Variants in SUZ12 observed in about 807,000 individuals in gnomAD.
SUZ12 encodes polycomb protein SUZ12.
A neutral mutation model predicts 87.3 loss-of-function variants in SUZ12; 17 were observed. The observed-to-expected ratio is 0.19, with a 90% CI of 0.13 to 0.29. SUZ12 has a LOEUF of 0.29. Among genes scored for constraint, SUZ12 ranks in the 10% least tolerant of loss-of-function variants. The pLI is 1.00. For synonymous variants in SUZ12, 253 were observed against 312.4 expected, an observed-to-expected ratio of 0.81 and a Z score of 2.01; for missense variants, 526 against 912.2, an observed-to-expected ratio of 0.58 and a Z score of 5.45.
At position 31,993,978 on chromosome 17, in the gene SUZ12, C is replaced by T. The variant is rs760592791; in HGVS notation, c.1407C>T (p.Leu469=). Residue 469 remains leucine (L), a synonymous_variant, in exon 12 of 16, where the codon CTC becomes CTT. Transcript: ENST00000322652. ...KLYSLLKHLK[L]CHSRFIFNYV... is the part of the protein sequence containing the mutation. Reference sequence around the variant, plus strand: ...ATAGTTTACTCAAGCATCTTAAACTCTGCCATAGCAGATTTATCTTCAACT... The same window carrying T: ...ATAGTTTACTCAAGCATCTTAAACTTTGCCATAGCAGATTTATCTTCAACT... The T allele has an allele frequency of 1.2e-6, 2 of 1,612,672 alleles. No individual in the cohort carries two copies. Among genetic ancestry groups the T allele is most frequent in the Non-Finnish European group, 1.7e-6 (2 of 1,179,678 alleles).
rs1184156921 is a variant in SUZ12 at position 32,000,295 on chromosome 17, A to T, written c.*1292A>T. The T allele has an allele frequency of 1.7e-5, 4 of 232,818 alleles. No individual in the cohort carries two copies. In the Admixed American group the frequency reaches 2.3e-4, roughly 13 times the overall value. The allele number at this position is 232,818 out of a possible 1,614,324, so 14.4% of individuals were successfully genotyped here. On this transcript the variant is annotated 3_prime_UTR_variant, in exon 16 of 16. Transcript: ENST00000322652. Reference sequence around the variant, plus strand: ...CCACCACCATCAGATGCAGTTCCCTATTTTGTTTAATGAAGGGATATATAA... The same window carrying T: ...CCACCACCATCAGATGCAGTTCCCTTTTTTGTTTAATGAAGGGATATATAA...
chr17:31,963,640 A>G (rs1200631968), intron 4 of SUZ12, among the ~76,000 whole-genome samples: 2 of 151,622 alleles, frequency 1.3e-5, no homozygotes, highest in African/African-American at 4.8e-5. Context: ...CTCCTGCCTC[A>G]GCCTCCCGAG....
intron 9 of SUZ12, among the ~76,000 whole-genome samples, chr17:31,983,319 A>G (rs1909222279): frequency 7.4e-6 from 1 of 134,892 alleles, no homozygotes; most frequent in Admixed American, 8.3e-5. Flanking sequence ...TCTGTTGCCC[A>G]GGCTGGAGTG....
chr17:31,979,681 A>G (rs1227905941), intron 8 of SUZ12, among the ~76,000 whole-genome samples: 2 of 152,206 alleles, frequency 1.3e-5, no homozygotes, highest in African/African-American at 4.8e-5. Flanking sequence ...ACAAAAGGTA[A>G]TATTAGGTTT....
chr17:31,988,549 T>G (rs2142204460), intron 10 of SUZ12, 52 bp downstream of exon 10: 1 of 1,490,948 alleles, frequency 6.7e-7, no homozygotes, highest in Non-Finnish European at 9.0e-7. Context: ...CAGAGTTAGG[T>G]CTTGTGCTTT....
chr17:31,970,303 C>T (rs924739211), intron 5 of SUZ12, among the ~76,000 whole-genome samples: 3 of 152,160 alleles, frequency 2.0e-5, no homozygotes, highest in African/African-American at 7.2e-5. Flanking sequence ...TTTACACACA[C>T]ACCCCCAATA....
chr17:31,997,914 A>T (rs1015123653), intron 15 of SUZ12, among the ~76,000 whole-genome samples: 6 of 152,032 alleles, frequency 3.9e-5, no homozygotes, highest in Admixed American at 1.3e-4. Flanking sequence ...AAAGGAGAAC[A>T]ATTTTTGTTT....
At chr17:31,992,396 G>A (rs889869139) in intron 10 of SUZ12, among the ~76,000 whole-genome samples, 3 of 151,964 alleles carry the variant, frequency 2.0e-5, no homozygotes, top group Non-Finnish European at 4.4e-5. Context: ...CATAGGAGGT[G>A]GTTTTTTGTT....
At chr17:31,980,011 T>G (rs1383946918) in intron 8 of SUZ12, among the ~76,000 whole-genome samples, 21 of 145,962 alleles carry the variant, frequency 1.4e-4, no homozygotes, top group South Asian at 4.3e-4. Flanking sequence ...TATATATGTA[T>G]AGAGAGAGAG....
At chr17:31,966,829 T>C (rs1381450498) in intron 5 of SUZ12, 2 of 152,166 alleles carry the variant, frequency 1.3e-5, no homozygotes, top group Non-Finnish European at 2.9e-5. Flanking sequence ...GGAAATTATA[T>C]GGTATATTAC....
At chr17:31,937,675 C>T (rs1906023380) in intron 1 of SUZ12, among the ~76,000 whole-genome samples, 155 bp downstream of exon 1, 1 of 137,818 alleles carries the variant, frequency 7.3e-6, no homozygotes, top group Non-Finnish European at 1.5e-5. Context: ...ATTACGTCTC[C>T]AGGGGATCCG....
At chr17:31,942,337 GT>G (rs1207975846) in intron 3 of SUZ12, among the ~76,000 whole-genome samples, 2 of 149,562 alleles carry the variant, frequency 1.3e-5, no homozygotes, top group African/African-American at 4.9e-5. Context: ...TTTTTGTTTT[GT>G]TTTTATTTTT....
intron 9 of SUZ12, among the ~76,000 whole-genome samples, chr17:31,986,239 G>C (rs1909414959): frequency 6.6e-6 from 1 of 152,188 alleles, no homozygotes; most frequent in Admixed American, 6.5e-5. Flanking sequence ...ACTGTGCCCG[G>C]CCTATCTGGA....
rs529943947 is a variant in SUZ12 at position 31,939,070 on chromosome 17, A to G, written c.275-1216A>G. On this transcript the variant is annotated intron_variant, in intron 1 of 15. Transcript: ENST00000322652. ...TATTTTTCATCGACTTAAGTCCTGT[A>G]TAACAAATTACATTTTAACTAATTT... is the stretch of plus-strand genomic sequence containing the variant. 3.3e-5 allele frequency among the ~76,000 whole-genome samples: 5 copies of G among 152,340 alleles called. No individual in the cohort carries two copies. The East Asian group carries it at 5.8e-4, about 18-fold the overall frequency.
chr17:31,959,515 C>T (rs1446200689), intron 4 of SUZ12, among the ~76,000 whole-genome samples: 2 of 152,182 alleles, frequency 1.3e-5, no homozygotes, highest in Non-Finnish European at 2.9e-5. Flanking sequence ...ACGAGTTTCT[C>T]AGCTTTACAT....
At chr17:31,961,523 T>C (rs1907713570) in intron 4 of SUZ12, among the ~76,000 whole-genome samples, 1 of 152,092 alleles carries the variant, frequency 6.6e-6, no homozygotes, top group South Asian at 2.1e-4. Context: ...CAGCCTGGGC[T>C]ACAGTAAGAC....
chr17:31,982,087 T>A (rs1909144827), intron 8 of SUZ12, among the ~76,000 whole-genome samples: 1 of 152,228 alleles, frequency 6.6e-6, no homozygotes, highest in Non-Finnish European at 1.5e-5. Flanking sequence ...AAGTTATACA[T>A]AGACACATAT....
At chr17:31,964,608 T>C (rs998903061) in intron 4 of SUZ12, among the ~76,000 whole-genome samples, 4 of 151,938 alleles carry the variant, frequency 2.6e-5, no homozygotes, top group Non-Finnish European at 5.9e-5. Context: ...GGTTTCACCA[T>C]ATTGGCCAGG....
intron 1 of SUZ12, among the ~76,000 whole-genome samples, chr17:31,938,136 T>C (rs867479657): frequency 1.8e-4 from 27 of 152,178 alleles, no homozygotes; most frequent in Admixed American, 1.1e-3. Flanking sequence ...TTTTTCTACC[T>C]GGCTTACAGA....
Sources: allele counts gnomAD v4.1 joint callset (sites outside exome capture counted in the v4.1 genomes callset), GRCh38; gene constraint gnomAD v4.1.1; transcripts MANE v1.5; gene names NCBI Gene and HGNC (gene_info 2026-07-23, HGNC 2026-07-21).